SEMA5A: variants seen among roughly 807,000 people sequenced by gnomAD.
SEMA5A encodes the protein semaphorin 5A.
In SEMA5A, 55 loss-of-function variants were observed where a neutral mutation model predicts 135.5. The observed-to-expected ratio is 0.41, with a 90% CI of 0.33 to 0.51. The LOEUF is 0.51. SEMA5A is among the 20% of genes least tolerant of loss of function. The pLI is 0.37. For missense variants in SEMA5A, 1,290 were observed against 1,419.9 expected (o/e 0.91, Z 1.47); for synonymous variants, 580 against 546.5 (o/e 1.06, Z -0.85).
chr5:9,459,125 AG>A (rs1291512680), intron 1 of SEMA5A, among the ~76,000 whole-genome samples: 1 of 152,238 alleles, frequency 6.6e-6, no homozygotes, highest in African/African-American at 2.4e-5. Context: ...TTTTAAAAAA[AG>A]TCCCATAATT....
intron 2 of SEMA5A, among the ~76,000 whole-genome samples, chr5:9,381,942 T>TTTTGTGTGTG (rs3221787): frequency 1.8e-5 from 2 of 109,304 alleles, no homozygotes; most frequent in African/African-American, 3.6e-5. Flanking sequence ...TAGAATCATT[T>TTTTGTGTGTG]TGTGTGTGTG....
chr5:9,528,460 C>T (rs1737258303), intron 1 of SEMA5A, among the ~76,000 whole-genome samples: 1 of 152,194 alleles, frequency 6.6e-6, no homozygotes, highest in Non-Finnish European at 1.5e-5. Context: ...CTGCAGTGTG[C>T]TTTGCCACTT....
rs138105134 is a variant in SEMA5A, at chr5:9,345,610, A to T, written c.125-7798T>A. Among the ~76,000 whole-genome samples, 46 of 151,992 alleles carry T rather than the reference A, an allele frequency of 3.0e-4. No homozygotes were observed. In the East Asian group the frequency reaches 8.1e-3, roughly 27 times the overall value. The stretch of plus-strand genomic sequence containing the variant: ...TTTCTAAATGATAGTATTTTAAATG[A>T]CCAAAATTATATGTATCTATAGTTA... On this transcript the variant is annotated intron_variant, in intron 3 of 22. Coordinates refer to ENST00000382496, the MANE Select transcript of SEMA5A (RefSeq NM_003966.3).
intron 15 of SEMA5A, among the ~76,000 whole-genome samples, chr5:9,109,285 C>T (rs1218025578): frequency 6.6e-6 from 1 of 152,014 alleles, no homozygotes; most frequent in Non-Finnish European, 1.5e-5. Flanking sequence ...CGTGATCCGC[C>T]CGCCTCGGCC....
At chr5:9,318,740 C>T (rs897858035) in intron 4 of SEMA5A, among the ~76,000 whole-genome samples, 4 of 152,200 alleles carry the variant, frequency 2.6e-5, no homozygotes, top group Non-Finnish European at 5.9e-5. Flanking sequence ...CATTCTGAAA[C>T]TCTTTTACTT....
At chr5:9,096,018 G>T (rs1739293201) in intron 16 of SEMA5A, among the ~76,000 whole-genome samples, 1 of 152,126 alleles carries the variant, frequency 6.6e-6, no homozygotes, top group Non-Finnish European at 1.5e-5. Flanking sequence ...TTTCCTTTGG[G>T]TATATGCCCA....
At chr5:9,301,974 C>T (rs1012550077) in intron 5 of SEMA5A, among the ~76,000 whole-genome samples, 4 of 151,978 alleles carry the variant, frequency 2.6e-5, no homozygotes, top group East Asian at 1.9e-4. Flanking sequence ...GAGAATCCAT[C>T]GCCCCTTGCA....
chr5:9,390,395 C>CA (rs1451106803), intron 2 of SEMA5A, among the ~76,000 whole-genome samples: 3 of 151,416 alleles, frequency 2.0e-5, no homozygotes, highest in Admixed American at 6.6e-5. Context: ...TGTCAAAGGA[C>CA]AAAAAAGGAG....
chr5:9,486,288 G>C (rs765825124), intron 1 of SEMA5A, among the ~76,000 whole-genome samples: 3 of 152,156 alleles, frequency 2.0e-5, no homozygotes, highest in Admixed American at 6.5e-5. Context: ...TGGATTGTGA[G>C]GGGGAGGGAG....
chr5:9,525,212 G>A (rs774933470), intron 1 of SEMA5A, among the ~76,000 whole-genome samples: 6 of 152,108 alleles, frequency 3.9e-5, no homozygotes, highest in Non-Finnish European at 7.4e-5. Context: ...TTGTTTTCAC[G>A]CTACAACAGC....
intron 5 of SEMA5A, among the ~76,000 whole-genome samples, chr5:9,257,451 T>TC (rs1452276841): frequency 6.6e-6 from 1 of 151,860 alleles, no homozygotes; most frequent in East Asian, 1.9e-4. Flanking sequence ...ATAGATCTTT[T>TC]TTTTTTCCAT....
intron 3 of SEMA5A, chr5:9,363,300 T>C (rs1033444846): frequency 2.6e-5 from 4 of 152,340 alleles, no homozygotes; most frequent in South Asian, 2.1e-4. Flanking sequence ...GCCTGAACCA[T>C]GCACACTAAT....
At chr5:9,323,828 A>C (rs1416046216) in intron 4 of SEMA5A, among the ~76,000 whole-genome samples, 5 of 151,200 alleles carry the variant, frequency 3.3e-5, no homozygotes, top group African/African-American at 1.2e-4. Context: ...CGCCTGACTA[A>C]TTTTTATATT....
chr5:9,355,922 C>A (rs1301416258), intron 3 of SEMA5A, among the ~76,000 whole-genome samples: 1 of 152,202 alleles, frequency 6.6e-6, no homozygotes, highest in Non-Finnish European at 1.5e-5. Context: ...CTCTATAGTT[C>A]ACTGTAGAAT....
In SEMA5A at chr5:9,119,114, C is replaced by A; in HGVS notation, c.1809G>T (p.Ser603=). Residue 603 remains serine (S), a synonymous_variant, in exon 15 of 23, where the codon TCG becomes TCT. Transcript: ENST00000382496. ...CACAGGTAGTGCTGCAGGGAGACCA[C>A]GAGGTCCAGGGAGTCCAGCCTCCGT... The part of the protein sequence containing the change: ...SRNGGWTPWT[S]WSPCSTTCGI... The A allele has an allele frequency of 6.2e-7, 1 of 1,613,818 alleles. No individual in the cohort carries two copies. Among genetic ancestry groups the A allele is most frequent in the Non-Finnish European group, 8.5e-7 (1 of 1,179,944 alleles).
chr5:9,428,088 G>GTATATA (rs10536071), intron 2 of SEMA5A, among the ~76,000 whole-genome samples: 221 of 145,648 alleles, frequency 1.5e-3, no homozygotes, highest in Admixed American at 3.2e-3. Flanking sequence ...ATATGTGTGT[G>GTATATA]TATATATATA....
At chr5:9,120,308 AAC>A (rs2150180664) in intron 14 of SEMA5A, among the ~76,000 whole-genome samples, 2 of 152,254 alleles carry the variant, frequency 1.3e-5, no homozygotes, top group South Asian at 4.1e-4. Context: ...GGAGGTCAAC[AAC>A]TATGCCACTG....
intron 3 of SEMA5A, among the ~76,000 whole-genome samples, chr5:9,378,486 G>C (rs1050355769): frequency 6.6e-6 from 1 of 152,148 alleles, no homozygotes; most frequent in Non-Finnish European, 1.5e-5. Flanking sequence ...CCATGACACG[G>C]TCAAGACAAA....
intron 11 of SEMA5A, among the ~76,000 whole-genome samples, chr5:9,183,266 C>T (rs371869451): frequency 1.3e-5 from 2 of 152,084 alleles, no homozygotes; most frequent in East Asian, 1.9e-4. Flanking sequence ...CTTGGACAGC[C>T]GCCTGGAGGT....
Sources: allele counts gnomAD v4.1 joint callset (sites outside exome capture counted in the v4.1 genomes callset), GRCh38; gene constraint gnomAD v4.1.1; transcripts MANE v1.5; gene names NCBI Gene and HGNC (gene_info 2026-07-23, HGNC 2026-07-21).